The following EMID1 variants were observed in gnomAD, a reference collection of about 807,000 sequenced individuals.
EMID1 encodes EMI domain containing 1, also known as EMI domain-containing protein 1.
In EMID1, 40 loss-of-function variants were observed where a neutral mutation model predicts 60.6. The observed-to-expected ratio is 0.66, with a 90% confidence interval of 0.51 to 0.86. The LOEUF (loss-of-function observed/expected upper bound fraction) is 0.86, where lower values mean the gene tolerates loss of function less well. EMID1 is among the 40% of genes least tolerant of loss of function. EMID1 has a pLI of 0.00. For synonymous variants in EMID1, 242 were observed against 231.0 expected (o/e 1.05, Z -0.43); for missense variants, 585 against 597.1 (o/e 0.98, Z 0.21).
chr22:29,243,505 G>T lies in EMID1; in HGVS notation c.1119+16G>T. 2 of 1,613,888 alleles carry T rather than the reference G, an allele frequency of 1.2e-6. No homozygotes were observed. Among genetic ancestry groups the T allele is most frequent in the Non-Finnish European group, 1.7e-6 (2 of 1,179,792 alleles). On this transcript the variant is annotated intron_variant, in intron 13 of 14. Transcript: ENST00000334018. The stretch of plus-strand genomic sequence containing the variant: ...GAGCCACTGGGTAAGCTCTGGCCTG[G>T]CACTGGCCTCTCCCTGCCTTCTCAG...
At chr22:29,240,377 C>A (rs1303361798) in intron 12 of EMID1, among the ~76,000 whole-genome samples, 1 of 144,808 alleles carries the variant, frequency 6.9e-6, no homozygotes, top group Non-Finnish European at 1.5e-5. Flanking sequence ...AGGGCTTGCA[C>A]GTCTGACATA....
At chr22:29,248,518 TAGA>T (rs1367169468) in intron 13 of EMID1, among the ~76,000 whole-genome samples, 1 of 151,994 alleles carries the variant, frequency 6.6e-6, no homozygotes, top group Non-Finnish European at 1.5e-5. Context: ...TTTAAATAAG[TAGA>T]AGGAGTACAC....
At chr22:29,244,856 G>A (rs117971927) in intron 13 of EMID1, among the ~76,000 whole-genome samples, 1,696 of 152,212 alleles carry the variant, frequency 0.011, 16 homozygotes, top group Non-Finnish European at 0.015. Context: ...TGGACAGAGT[G>A]GAGGCAGACA....
intron 3 of EMID1, among the ~76,000 whole-genome samples, chr22:29,218,732 CCT>C (rs1348949365): frequency 1.3e-5 from 2 of 152,222 alleles, no homozygotes; most frequent in Non-Finnish European, 2.9e-5. Context: ...GGGCCTGACC[CCT>C]GAGTGCCTGG....
intron 5 of EMID1, among the ~76,000 whole-genome samples, chr22:29,230,576 G>A (rs897685107): frequency 3.9e-5 from 6 of 152,184 alleles, no homozygotes; most frequent in African/African-American, 1.2e-4. Context: ...GATGAAGTTC[G>A]GTGCCCCTGC....
chr22:29,231,567 C>T, intron 6 of EMID1, 26 bp from the exon 7 acceptor site: 1 of 1,548,732 alleles, frequency 6.5e-7, no homozygotes, highest in African/African-American at 1.4e-5. Flanking sequence ...TGTGGAGCTG[C>T]CAGTCTGATA....
At chr22:29,218,685 G>A (rs1247621360) in intron 3 of EMID1, among the ~76,000 whole-genome samples, 1 of 152,196 alleles carries the variant, frequency 6.6e-6, no homozygotes, top group Non-Finnish European at 1.5e-5. Flanking sequence ...CATGTCAGGA[G>A]GGCGGGCCGA....
intron 12 of EMID1, among the ~76,000 whole-genome samples, chr22:29,239,412 T>C (rs1257069605): frequency 2.0e-5 from 3 of 152,094 alleles, no homozygotes; most frequent in South Asian, 2.1e-4. Flanking sequence ...ATTACAGGCA[T>C]GAGCCACCAC....
At chr22:29,208,629 C>T (rs952512799) in intron 1 of EMID1, among the ~76,000 whole-genome samples, 2 of 152,216 alleles carry the variant, frequency 1.3e-5, no homozygotes, top group African/African-American at 4.8e-5. Flanking sequence ...TAGGGGGCTG[C>T]AATCCCAGCT....
intron 14 of EMID1, chr22:29,254,846 T>C (rs1320417407): frequency 3.6e-5 from 6 of 167,696 alleles, no homozygotes; most frequent in Admixed American, 3.5e-4. Context: ...GTGACAGAGC[T>C]AGGCTCAGGC....
intron 12 of EMID1, among the ~76,000 whole-genome samples, chr22:29,236,185 G>A (rs2040942959): frequency 1.3e-5 from 2 of 152,100 alleles, no homozygotes; most frequent in Non-Finnish European, 2.9e-5. Flanking sequence ...CTTGAAATCA[G>A]GAGTTTGAGA....
At chr22:29,256,170 C>T (rs1462925229) in intron 14 of EMID1, among the ~76,000 whole-genome samples, 5 of 152,078 alleles carry the variant, frequency 3.3e-5, no homozygotes, top group Middle Eastern at 3.2e-3. Flanking sequence ...TCCAACCTCG[C>T]ATCTATTTTA....
intron 14 of EMID1, among the ~76,000 whole-genome samples, chr22:29,256,049 A>G (rs1256264552): frequency 1.3e-5 from 2 of 152,134 alleles, no homozygotes; most frequent in East Asian, 1.9e-4. Flanking sequence ...CTGGCCCTGA[A>G]GAAAGGAAGG....
chr22:29,206,888 T>C (rs562194000), intron 1 of EMID1, among the ~76,000 whole-genome samples: 1 of 152,368 alleles, frequency 6.6e-6, no homozygotes, highest in South Asian at 2.1e-4. Flanking sequence ...CCTCATGGGC[T>C]ATTCACTGAA....
At chr22:29,234,027 C>T in intron 10 of EMID1, 110 bp from the exon 11 acceptor site, 1 of 1,260,036 alleles carries the variant, frequency 7.9e-7, no homozygotes, top group Non-Finnish European at 1.1e-6. Flanking sequence ...TGGTGAAGAA[C>T]CCAGAGGCCC....
chr22:29,243,921 G>A (rs1168720616), intron 13 of EMID1, among the ~76,000 whole-genome samples: 2 of 152,228 alleles, frequency 1.3e-5, no homozygotes, highest in Non-Finnish European at 2.9e-5. Flanking sequence ...ACAGGAGAAT[G>A]GGATAGAGGA....
chr22:29,212,988 C>A (rs1601900968), intron 1 of EMID1, among the ~76,000 whole-genome samples: 1 of 152,212 alleles, frequency 6.6e-6, no homozygotes, highest in African/African-American at 2.4e-5. Context: ...GTAGACGGAG[C>A]AGATGGAAAG....
At chr22:29,211,644 A>G (rs1453998034) in intron 1 of EMID1, among the ~76,000 whole-genome samples, 1 of 152,124 alleles carries the variant, frequency 6.6e-6, no homozygotes, top group Non-Finnish European at 1.5e-5. Flanking sequence ...CTGTGTGTGC[A>G]TGTGTGTGCG....
rs778649814 is a variant in EMID1 at position 29,225,194 on chromosome 22, G to A, written c.381G>A (p.Ala127=). The stretch of plus-strand genomic sequence containing the variant: ...CGGGCAGTACCATGCGGCGGATGGC[G>A]CTTCGGCCCACAGCCTTCTCAGGTG... The part of the protein sequence containing the change: ...MWSGSTMRRM[A]LRPTAFSGCL... The change falls in exon 4 of 15, where the codon GCG becomes GCA. Residue 127 remains alanine, a synonymous_variant. Coordinates refer to ENST00000334018, the MANE Select transcript of EMID1 (RefSeq NM_133455.4). 1.4e-5 allele frequency: 22 copies of A among 1,613,814 alleles called. No homozygotes were observed. The highest frequency in any genetic ancestry group is 6.6e-5 in the South Asian group (6 of 91,074).
Sources: gnomAD v4.1 joint callset for allele counts (sites outside exome capture counted in the v4.1 genomes callset) on GRCh38, gnomAD v4.1.1 for gene constraint, MANE v1.5 for transcripts, NCBI Gene and HGNC (gene_info 2026-07-23, HGNC 2026-07-21) for gene names.